PTPRG: variants seen among roughly 807,000 people sequenced by gnomAD.
The protein encoded by PTPRG is receptor-type tyrosine-protein phosphatase gamma.
PTPRG carries 102 observed loss-of-function variants against 165.3 expected under a neutral mutation model. The ratio of observed to expected loss-of-function variants is 0.62; its 90% CI spans 0.53 to 0.73. The LOEUF (loss-of-function observed/expected upper bound fraction) is 0.73, where lower values mean the gene tolerates loss of function less well. PTPRG is among the 30% of genes least tolerant of loss of function. The probability of loss-of-function intolerance (pLI) is 0.00; values close to 1 mark genes in which losing one functional copy is unlikely to be tolerated. For synonymous variants in PTPRG, 675 were observed against 669.5 expected, an observed-to-expected ratio of 1.01 and a Z score of -0.13; for missense variants, 1,866 against 1,861.4, an observed-to-expected ratio of 1.00 and a Z score of -0.05.
intron 2 of PTPRG, among the ~76,000 whole-genome samples, chr3:61,916,284 C>T (rs2038933942): frequency 6.6e-6 from 1 of 152,078 alleles, no homozygotes; most frequent in African/African-American, 2.4e-5. Flanking sequence ...TATAGAGCTA[C>T]ACTATTTAAT....
At chr3:62,045,849 G>A (rs1030920837) in intron 4 of PTPRG, among the ~76,000 whole-genome samples, 1 of 152,200 alleles carries the variant, frequency 6.6e-6, no homozygotes, top group African/African-American at 2.4e-5. Flanking sequence ...AAACATATTT[G>A]AAGTGAGACT....
At chr3:62,260,694 C>T (rs1341318252) in intron 16 of PTPRG, among the ~76,000 whole-genome samples, 1 of 152,056 alleles carries the variant, frequency 6.6e-6, no homozygotes, top group Non-Finnish European at 1.5e-5. Flanking sequence ...TTTTAACACA[C>T]TAAAATCCTG....
At chr3:61,873,210 G>T (rs2037630666) in intron 2 of PTPRG, among the ~76,000 whole-genome samples, 1 of 152,184 alleles carries the variant, frequency 6.6e-6, no homozygotes, top group African/African-American at 2.4e-5. Context: ...TGTAACAGCA[G>T]TTTGTAAGCG....
intron 1 of PTPRG, among the ~76,000 whole-genome samples, chr3:61,692,122 TC>T (rs2030256159): frequency 6.6e-6 from 1 of 152,266 alleles, no homozygotes; most frequent in African/African-American, 2.4e-5. Flanking sequence ...CAGAGTTTTC[TC>T]CTTAAGGATT....
chr3:61,862,624 A>G lies in PTPRG; in HGVS notation c.190+113642A>G, dbSNP rs144709682. ...TGGTCAGGATGGTCTTGAGCTCCCAACCTCAGGTGATCTGCCCGCCCAGGC... is the reference window on the plus strand; with the variant it reads ...TGGTCAGGATGGTCTTGAGCTCCCAGCCTCAGGTGATCTGCCCGCCCAGGC... On this transcript the variant is annotated intron_variant, in intron 2 of 29. Transcript: ENST00000474889. 3.4e-3 allele frequency among the ~76,000 whole-genome samples: 516 copies of G among 152,036 alleles called. 6 individuals carry two copies. Among genetic ancestry groups the G allele is most frequent in the Admixed American group, 0.028 (433 of 15,260 alleles).
At chr3:61,815,290 A>G (rs1459163373) in intron 2 of PTPRG, among the ~76,000 whole-genome samples, 5 of 151,488 alleles carry the variant, frequency 3.3e-5, no homozygotes, top group African/African-American at 9.7e-5. Flanking sequence ...TGCACCTGTA[A>G]TCCCAGCTAC....
intron 2 of PTPRG, among the ~76,000 whole-genome samples, chr3:61,783,924 T>G (rs2034617753): frequency 6.6e-6 from 1 of 152,114 alleles, no homozygotes; most frequent in Non-Finnish European, 1.5e-5. Flanking sequence ...GCTAGCTGGA[T>G]GTACTGTTGG....
chr3:61,955,862 T>C (rs1240611875), intron 2 of PTPRG, among the ~76,000 whole-genome samples: 1 of 152,096 alleles, frequency 6.6e-6, no homozygotes, highest in Admixed American at 6.5e-5. Context: ...TGAAAAGAAA[T>C]AAAAATACTT....
intron 6 of PTPRG, among the ~76,000 whole-genome samples, chr3:62,146,538 T>G (rs1030930698): frequency 1.3e-5 from 2 of 151,928 alleles, no homozygotes; most frequent in African/African-American, 4.8e-5. Flanking sequence ...TGCCTGCTGA[T>G]GGAGAGTGTT....
chr3:61,945,554 C>G (rs1298888424), intron 2 of PTPRG, among the ~76,000 whole-genome samples: 1 of 81,450 alleles, frequency 1.2e-5, no homozygotes, highest in Non-Finnish European at 2.1e-5. Context: ...AATGAAACTC[C>G]GTCACCAAAA....
chr3:61,986,143 A>G (rs1457933128), intron 2 of PTPRG, among the ~76,000 whole-genome samples: 1 of 152,194 alleles, frequency 6.6e-6, no homozygotes, highest in Non-Finnish European at 1.5e-5. Flanking sequence ...TGATTGAATC[A>G]TCATATTAAA....
chr3:61,922,999 C>T (rs960132938), intron 2 of PTPRG, among the ~76,000 whole-genome samples: 2 of 152,168 alleles, frequency 1.3e-5, no homozygotes, highest in African/African-American at 2.4e-5. Flanking sequence ...TGCCCCACTA[C>T]GCCTTGAATT....
intron 1 of PTPRG, among the ~76,000 whole-genome samples, chr3:61,745,016 CT>C (rs1272734111): frequency 3.6e-5 from 5 of 139,006 alleles, no homozygotes; most frequent in Non-Finnish European, 7.8e-5. Context: ...AAACCATCAG[CT>C]TTTTGATCTT....
chr3:62,244,594 G>A (rs935974888), intron 15 of PTPRG, among the ~76,000 whole-genome samples: 6 of 152,038 alleles, frequency 3.9e-5, no homozygotes. Flanking sequence ...CTATCCTCTT[G>A]ACATTACTCT....
chr3:62,032,169 G>T (rs926933432), intron 4 of PTPRG, among the ~76,000 whole-genome samples: 50 of 152,294 alleles, frequency 3.3e-4, no homozygotes, highest in African/African-American at 1.2e-3. Flanking sequence ...AGAGAACACA[G>T]AGTTGGACTA....
At chr3:61,828,420 C>A (rs1292456430) in intron 2 of PTPRG, among the ~76,000 whole-genome samples, 1 of 152,318 alleles carries the variant, frequency 6.6e-6, no homozygotes, top group African/African-American at 2.4e-5. Context: ...GTGAAGAAAT[C>A]TAAGTTCTAG....
At chr3:61,898,029 G>A (rs1198838617) in intron 2 of PTPRG, among the ~76,000 whole-genome samples, 1 of 151,646 alleles carries the variant, frequency 6.6e-6, no homozygotes, top group Non-Finnish European at 1.5e-5. Context: ...TTTTCTTTCT[G>A]TATGACTTTA....
rs533485476 is a variant in PTPRG at position 62,141,238 on chromosome 3, C to T, written c.682+8570C>T. On this transcript the variant is annotated intron_variant, in intron 6 of 29. Transcript: ENST00000474889. ...GATCACTCTTTAGAAAATAGTTTGG[C>T]AGTATCTAGTAAAATGAATCTAAGA... Among the ~76,000 whole-genome samples the T allele has an allele frequency of 7.9e-5, 12 of 152,154 alleles. No homozygotes were observed. In the East Asian group the frequency reaches 2.3e-3, roughly 29 times the overall value.
chr3:61,659,692 A>T (rs544050404), intron 1 of PTPRG, among the ~76,000 whole-genome samples: 31 of 152,308 alleles, frequency 2.0e-4, no homozygotes, highest in African/African-American at 7.0e-4. Flanking sequence ...TGTATGGAGA[A>T]GGATTCTGAA....
Sources: allele counts gnomAD v4.1 joint callset (sites outside exome capture counted in the v4.1 genomes callset), GRCh38; gene constraint gnomAD v4.1.1; transcripts MANE v1.5; gene names NCBI Gene and HGNC (gene_info 2026-07-23, HGNC 2026-07-21).